The following PLD1 variants were observed in gnomAD, a reference collection of about 807,000 sequenced individuals.
PLD1 encodes the protein choline phosphatase 1.
A neutral mutation model predicts 137.1 loss-of-function variants in PLD1; 112 were observed. The observed-to-expected ratio is 0.82, with a 90% CI of 0.70 to 0.96. PLD1 has a LOEUF of 0.96. PLD1 is among the 40% of genes least tolerant of loss of function. The pLI is 0.00. For missense variants in PLD1, 1,321 were observed against 1,342.0 expected (o/e 0.98, Z 0.24); for synonymous variants, 431 against 454.7 (o/e 0.95, Z 0.66).
intron 23 of PLD1, among the ~76,000 whole-genome samples, chr3:171,632,251 C>G (rs1734730592): frequency 6.6e-6 from 1 of 152,124 alleles, no homozygotes; most frequent in Non-Finnish European, 1.5e-5. Flanking sequence ...ACATCAAGAT[C>G]ATGAAAGCTC....
intron 16 of PLD1, among the ~76,000 whole-genome samples, chr3:171,682,088 T>TA (rs1714021368): frequency 9.2e-6 from 1 of 109,136 alleles, no homozygotes; most frequent in South Asian, 3.0e-4. Flanking sequence ...TCCCAGAACT[T>TA]AAAGTATAAT....
chr3:171,634,830 TAAG>T (rs1220579374), intron 23 of PLD1, among the ~76,000 whole-genome samples: 1 of 152,146 alleles, frequency 6.6e-6, no homozygotes, highest in Non-Finnish European at 1.5e-5. Flanking sequence ...GTATGTTTTA[TAAG>T]TAGTACATTC....
At chr3:171,708,892 A>T in intron 10 of PLD1, 54 bp from the exon 11 acceptor site, 1 of 1,168,804 alleles carries the variant, frequency 8.6e-7, no homozygotes, top group Non-Finnish European at 1.3e-6. Context: ...AAGAAAAGAA[A>T]CTTATCTTAT....
At chr3:171,627,811 A>G (rs565247358) in intron 23 of PLD1, among the ~76,000 whole-genome samples, 61 of 152,324 alleles carry the variant, frequency 4.0e-4, no homozygotes, top group African/African-American at 1.4e-3. Flanking sequence ...TTTGAAACCA[A>G]TGAGAACAAA....
At chr3:171,712,611 A>C (rs1717350843) in intron 9 of PLD1, among the ~76,000 whole-genome samples, 1 of 152,186 alleles carries the variant, frequency 6.6e-6, no homozygotes, top group Non-Finnish European at 1.5e-5. Flanking sequence ...CTTCAAAAAT[A>C]AGTGGGGGAA....
chr3:171,660,792 G>A (rs1343789195), intron 20 of PLD1, among the ~76,000 whole-genome samples: 47 of 151,854 alleles, frequency 3.1e-4, no homozygotes, highest in Non-Finnish European at 4.4e-5. Context: ...ATTTTTAGTA[G>A]AGACGGGGTT....
rs186108584 is a variant in PLD1, at chr3:171,662,662, C to T, written c.2230-492G>A. Among the ~76,000 whole-genome samples the T allele has an allele frequency of 5.4e-4, 83 of 152,298 alleles. 1 individual carries two copies. The South Asian group carries it at 0.011, about 21-fold the overall frequency. ...ACCATATGGTATGGCCATCCTAGCTCTGACTTAACAATGTGATTATTCCTT... is the reference window on the plus strand; with the variant it reads ...ACCATATGGTATGGCCATCCTAGCTTTGACTTAACAATGTGATTATTCCTT... On this transcript the variant is annotated intron_variant, in intron 19 of 26. Coordinates refer to ENST00000351298, the MANE Select transcript of PLD1 (RefSeq NM_002662.5).
At chr3:171,638,327 T>C (rs1437562599) in intron 23 of PLD1, among the ~76,000 whole-genome samples, 2 of 152,130 alleles carry the variant, frequency 1.3e-5, no homozygotes, top group Non-Finnish European at 2.9e-5. Context: ...ACTGCGCACT[T>C]AGGCTACATT....
intron 25 of PLD1, chr3:171,611,324 C>T (rs1049251768): frequency 4.9e-5 from 9 of 182,150 alleles, no homozygotes; most frequent in Non-Finnish European, 9.5e-5. Flanking sequence ...TGAAAGGAGA[C>T]GAGATTATAT....
chr3:171,777,835 T>G (rs556232109), intron 1 of PLD1, among the ~76,000 whole-genome samples: 21 of 152,310 alleles, frequency 1.4e-4, no homozygotes, highest in East Asian at 5.8e-4. Context: ...GCAATCATCA[T>G]CAGCAGCCGC....
chr3:171,686,898 C>T (rs1038814141), intron 15 of PLD1, 100 bp from the exon 16 acceptor site: 9 of 616,346 alleles, frequency 1.5e-5, no homozygotes, highest in East Asian at 1.2e-4. Context: ...AGGGCTATAA[C>T]ATCAGTCTTA....
intron 1 of PLD1, among the ~76,000 whole-genome samples, chr3:171,770,896 A>G (rs1446606090): frequency 2.7e-5 from 4 of 150,458 alleles, no homozygotes; most frequent in Non-Finnish European, 3.0e-5. Flanking sequence ...CTCAAAAAAA[A>G]AAAAAAAAAA....
At chr3:171,604,064 C>A (rs767406538) in intron 26 of PLD1, among the ~76,000 whole-genome samples, 1 of 151,998 alleles carries the variant, frequency 6.6e-6, no homozygotes, top group Non-Finnish European at 1.5e-5. Context: ...AGGGGTCAGG[C>A]GCATTGGGTC....
chr3:171,734,457 C>T (rs60520612), intron 5 of PLD1, among the ~76,000 whole-genome samples: 5,698 of 152,270 alleles, frequency 0.037, 370 homozygotes, highest in African/African-American at 0.13. Context: ...CCTAACTGCT[C>T]CATCTATAGT....
At chr3:171,635,922 T>G (rs1041786851) in intron 23 of PLD1, among the ~76,000 whole-genome samples, 7 of 150,374 alleles carry the variant, frequency 4.7e-5, no homozygotes, top group Admixed American at 4.0e-4. Flanking sequence ...TTGATCCATA[T>G]TGAGTGAATT....
At chr3:171,783,527 G>A (rs1722875115) in intron 1 of PLD1, among the ~76,000 whole-genome samples, 1 of 152,114 alleles carries the variant, frequency 6.6e-6, no homozygotes, top group South Asian at 2.1e-4. Context: ...GATATTACAA[G>A]ACAGAGCATA....
chr3:171,760,425 C>A (rs1721317353), intron 1 of PLD1, among the ~76,000 whole-genome samples: 1 of 152,196 alleles, frequency 6.6e-6, no homozygotes, highest in Non-Finnish European at 1.5e-5. Flanking sequence ...CCTTCAACCA[C>A]CGTGGTTCTA....
At chr3:171,794,986 G>T (rs910637251) in intron 1 of PLD1, among the ~76,000 whole-genome samples, 1 of 152,140 alleles carries the variant, frequency 6.6e-6, no homozygotes. Flanking sequence ...AGACATATGC[G>T]CATGCACATT....
intron 7 of PLD1, among the ~76,000 whole-genome samples, 164 bp from the exon 8 acceptor site, chr3:171,724,952 G>C (rs1387418642): frequency 7.8e-6 from 1 of 128,258 alleles, no homozygotes; most frequent in Non-Finnish European, 1.6e-5. Context: ...TGTTAGGCCG[G>C]GTACCCTAGA....
Sources: allele counts gnomAD v4.1 joint callset (sites outside exome capture counted in the v4.1 genomes callset), GRCh38; gene constraint gnomAD v4.1.1; transcripts MANE v1.5; gene names NCBI Gene and HGNC (gene_info 2026-07-23, HGNC 2026-07-21).